Variants in GFRA2 observed in about 807,000 individuals in gnomAD.
GFRA2 encodes GDNF family receptor alpha-2.
A neutral mutation model predicts 48.3 loss-of-function variants in GFRA2; 17 were observed. That is an observed-to-expected ratio of 0.35 (90% CI 0.24 to 0.53). GFRA2 has a LOEUF of 0.53. GFRA2 is among the 20% of genes least tolerant of loss of function. The pLI, the probability that GFRA2 is intolerant of heterozygous loss-of-function variation, is 0.93. For synonymous variants in GFRA2, 305 were observed against 257.2 expected (o/e 1.19, Z -1.78); for missense variants, 660 against 637.3 (o/e 1.04, Z -0.38).
chr8:21,691,003 C>T lies in GFRA2; in HGVS notation c.*2275G>A, dbSNP rs1801864308. 6.6e-6 allele frequency: 1 copy of T among 152,230 alleles called. No homozygotes were observed. Among genetic ancestry groups the T allele is most frequent in the South Asian group, 2.1e-4 (1 of 4,832 alleles). The allele number at this position is 152,230 out of a possible 1,614,324, so 9.4% of individuals were successfully genotyped here. On this transcript the variant is annotated 3_prime_UTR_variant, in exon 9 of 9. Coordinates refer to ENST00000524240, the MANE Select transcript of GFRA2 (RefSeq NM_001495.5). Reference sequence around the variant, plus strand: ...CCTGGCTGGCTCACTGTACCCCTTCCATGCAGAGGCTGGAAGGCAATACAC... The same window carrying T: ...CCTGGCTGGCTCACTGTACCCCTTCTATGCAGAGGCTGGAAGGCAATACAC...
At chr8:21,762,083 A>G (rs1160792205) in intron 3 of GFRA2, among the ~76,000 whole-genome samples, 1 of 152,148 alleles carries the variant, frequency 6.6e-6, no homozygotes, top group African/African-American at 2.4e-5. Flanking sequence ...TCCGGCCTCT[A>G]CACACTATGT....
At chr8:21,734,600 G>A (rs1804358272) in intron 4 of GFRA2, among the ~76,000 whole-genome samples, 1 of 152,152 alleles carries the variant, frequency 6.6e-6, no homozygotes, top group South Asian at 2.1e-4. Flanking sequence ...CCCAAGTCTG[G>A]GACCCAGGTT....
intron 4 of GFRA2, among the ~76,000 whole-genome samples, chr8:21,731,936 A>G (rs935590484): frequency 2.6e-5 from 4 of 152,260 alleles, no homozygotes; most frequent in Non-Finnish European, 5.9e-5. Flanking sequence ...GTTCACCCAG[A>G]GTCAAGAATA....
Position 21,750,677 on chromosome 8 carries a change from T to A in GFRA2, c.705A>T (p.Gln235His). The A allele has an allele frequency of 6.2e-7, 1 of 1,613,860 alleles. No individual in the cohort carries two copies. Among genetic ancestry groups the A allele is most frequent in the Non-Finnish European group, 8.5e-7 (1 of 1,179,824 alleles). The part of the protein sequence containing the change: ...QDQACAERRR[Q>H]TILPSCSYED... ...CATAGGAGCAGCTGGGCAGGATGGT[T>A]TGCCGGCGGCGCTCAGCGCACGCCT... The change falls in exon 4 of 9, where the codon CAA becomes CAT. Residue 235 changes from glutamine (Q) to histidine (H), a missense_variant. Transcript: ENST00000524240. This position sits in a 1 kb window ranked among gnomAD's most constrained non-coding sequence, Gnocchi z 5.7.
chr8:21,756,153 C>A (rs769552272), intron 3 of GFRA2, among the ~76,000 whole-genome samples: 1 of 152,232 alleles, frequency 6.6e-6, no homozygotes, highest in Non-Finnish European at 1.5e-5. Context: ...CCAGGTGCTC[C>A]GTTCCCACTC....
chr8:21,776,020 T>C, intron 2 of GFRA2, among the ~76,000 whole-genome samples: 1 of 143,190 alleles, frequency 7.0e-6, no homozygotes, highest in Non-Finnish European at 1.5e-5. Context: ...TGTGTGTGTG[T>C]GTGTGTGTGT....
upstream of GFRA2, among the ~76,000 whole-genome samples, chr8:21,791,833 C>T (rs1807578954): frequency 6.6e-6 from 1 of 152,166 alleles, no homozygotes; most frequent in Non-Finnish European, 1.5e-5. Context: ...AAACAAAAAG[C>T]TACAGGGGTT....
intron 3 of GFRA2, among the ~76,000 whole-genome samples, chr8:21,753,543 C>G (rs879274590): frequency 6.6e-6 from 1 of 151,646 alleles, no homozygotes; most frequent in Non-Finnish European, 1.5e-5. Flanking sequence ...CACTTGAACC[C>G]GGGAGGCAGA....
chr8:21,759,542 G>GAAGGAAGGAAGGA (rs1491237203), intron 3 of GFRA2, among the ~76,000 whole-genome samples: 3 of 148,918 alleles, frequency 2.0e-5, no homozygotes, highest in Admixed American at 1.3e-4. Context: ...AGGAAGGAAG[G>GAAGGAAGGAAGGA]AGGGAAGGAA....
At chr8:21,760,948 G>A (rs1805877385) in intron 3 of GFRA2, among the ~76,000 whole-genome samples, 1 of 152,164 alleles carries the variant, frequency 6.6e-6, no homozygotes, top group South Asian at 2.1e-4. Context: ...GCATAAGGGT[G>A]AGTGGAGGGG....
intron 3 of GFRA2, among the ~76,000 whole-genome samples, chr8:21,769,470 G>A (rs1308731958): frequency 6.6e-6 from 1 of 152,220 alleles, no homozygotes; most frequent in Non-Finnish European, 1.5e-5. Flanking sequence ...CACGCTGCAT[G>A]CCAGTGCTTG....
chr8:21,733,511 C>A (rs1804299582), intron 4 of GFRA2, among the ~76,000 whole-genome samples: 1 of 152,168 alleles, frequency 6.6e-6, no homozygotes. Context: ...CCATTCCATT[C>A]TTTGAGGAGA....
chr8:21,714,629 A>C (rs1468031440), intron 4 of GFRA2, among the ~76,000 whole-genome samples: 3 of 152,130 alleles, frequency 2.0e-5, no homozygotes, highest in African/African-American at 7.2e-5. Context: ...GGGGGAAGAA[A>C]GGGAGTTGAC....
At chr8:21,739,634 CAAG>C (rs1018170958) in intron 4 of GFRA2, among the ~76,000 whole-genome samples, 9 of 152,192 alleles carry the variant, frequency 5.9e-5, no homozygotes, top group Non-Finnish European at 7.3e-5. Context: ...AGCCACTTCA[CAAG>C]AAGGAGAGCA....
chr8:21,771,564 G>T (rs1400876123), intron 3 of GFRA2, among the ~76,000 whole-genome samples: 4 of 152,194 alleles, frequency 2.6e-5, no homozygotes, highest in East Asian at 1.9e-4. Flanking sequence ...GGACATTGGA[G>T]GGTGTTGCAG....
chr8:21,760,024 G>A (rs1402170239), intron 3 of GFRA2, among the ~76,000 whole-genome samples: 1 of 152,006 alleles, frequency 6.6e-6, no homozygotes, highest in Admixed American at 6.6e-5. Context: ...CAAGGTAAGA[G>A]AATTCCAAGC....
At chr8:21,731,222 T>A (rs1260381540) in intron 4 of GFRA2, among the ~76,000 whole-genome samples, 1 of 152,186 alleles carries the variant, frequency 6.6e-6, no homozygotes, top group Non-Finnish European at 1.5e-5. Flanking sequence ...TGTTCTATGC[T>A]GGTGCCATAA....
upstream of GFRA2, among the ~76,000 whole-genome samples, chr8:21,791,216 G>T (rs1223524635): frequency 1.3e-5 from 2 of 152,128 alleles, no homozygotes. Flanking sequence ...AGAAAATGGG[G>T]CTGAGAAAGC....
At chr8:21,738,365 G>A (rs1341825385) in intron 4 of GFRA2, among the ~76,000 whole-genome samples, 1 of 151,324 alleles carries the variant, frequency 6.6e-6, no homozygotes, top group Non-Finnish European at 1.5e-5. Context: ...GAAGGTCTCT[G>A]AGCACGTACC....
Sources: allele counts gnomAD v4.1 joint callset (sites outside exome capture counted in the v4.1 genomes callset), GRCh38; gene constraint gnomAD v4.1.1; non-coding constraint Gnocchi (gnomAD v3.1); transcripts MANE v1.5; gene names NCBI Gene and HGNC (gene_info 2026-07-23, HGNC 2026-07-21).